CNOT4: variants seen among roughly 807,000 people sequenced by gnomAD.
CNOT4 encodes CCR4-NOT transcription complex subunit 4.
A neutral mutation model predicts 73.8 loss-of-function variants in CNOT4; 8 were observed. The observed-to-expected ratio is 0.11, with a 90% CI of 0.06 to 0.20. The LOEUF is 0.20. CNOT4 is among the 10% of genes least tolerant of loss of function. The probability of loss-of-function intolerance (pLI) is 1.00; values close to 1 mark genes in which losing one functional copy is unlikely to be tolerated. For synonymous variants in CNOT4, 293 were observed against 321.1 expected, an observed-to-expected ratio of 0.91 and a Z score of 0.94; for missense variants, 564 against 883.4, an observed-to-expected ratio of 0.64 and a Z score of 4.58.
rs1426704956 is a variant in CNOT4 at position 135,364,207 on chromosome 7, G to A, written c.1628-141C>T. The stretch of plus-strand genomic sequence containing the variant: ...CATTTAAAATGGGTTGTCCTAGCAA[G>A]ATAAACTTGGTTAGGATTTTGCTCG... On this transcript the variant is annotated intron_variant, in intron 10 of 11. Transcript: ENST00000541284. This position sits in a 1 kb window ranked among gnomAD's most constrained non-coding sequence, Gnocchi z 4.3. 18 of 707,108 alleles carry A rather than the reference G, an allele frequency of 2.5e-5. No individual in the cohort carries two copies. The East Asian group carries it at 3.8e-4, about 15-fold the overall frequency. The allele number at this position is 707,108 out of a possible 1,614,324, so 43.8% of individuals were successfully genotyped here.
At position 135,433,038 on chromosome 7, in the gene CNOT4, T is replaced by C. The variant is rs551608821; in HGVS notation, c.174+5120A>G. Among the ~76,000 whole-genome samples the C allele has an allele frequency of 1.5e-4, 23 of 152,312 alleles. 1 individual carries two copies. The highest frequency in any genetic ancestry group is 3.4e-3 in the Middle Eastern group (1 of 294). ...CCCTTTCAATCTGAAAATGTGTTCTTTGGTTCTGGGAAATATTCTTCGATC... is the reference window on the plus strand; with the variant it reads ...CCCTTTCAATCTGAAAATGTGTTCTCTGGTTCTGGGAAATATTCTTCGATC... On this transcript the variant is annotated intron_variant, in intron 2 of 11. Coordinates refer to ENST00000541284, the MANE Select transcript of CNOT4 (RefSeq NM_001190850.2).
intron 1 of CNOT4, among the ~76,000 whole-genome samples, chr7:135,481,194 A>T (rs977060495): frequency 1.1e-4 from 16 of 152,180 alleles, no homozygotes; most frequent in African/African-American, 3.9e-4. Context: ...TATTAATGTG[A>T]CAAGAGACTA....
chr7:135,467,137 T>C (rs891714173), intron 1 of CNOT4, among the ~76,000 whole-genome samples: 4 of 152,206 alleles, frequency 2.6e-5, no homozygotes, highest in African/African-American at 9.6e-5. Flanking sequence ...ATATACTATG[T>C]ATCAGACATA....
In CNOT4 at chr7:135,364,611, C is replaced by T. The variant is rs150438715; in HGVS notation, c.1628-545G>A. The stretch of plus-strand genomic sequence containing the variant: ...TTCAGAAGAGAAAAGCAGTAATGAA[C>T]AGGCTTTTGAATTTGAAAAGAATGT... On this transcript the variant is annotated intron_variant, in intron 10 of 11. Coordinates refer to ENST00000541284, the MANE Select transcript of CNOT4 (RefSeq NM_001190850.2). The surrounding 1 kb of genome is among the most constrained non-coding windows in gnomAD (Gnocchi z 4.3). 2.5e-4 allele frequency among the ~76,000 whole-genome samples: 38 copies of T among 152,340 alleles called. No homozygotes were observed. The highest frequency in any genetic ancestry group is 7.2e-4 in the African/African-American group (30 of 41,582).
At chr7:135,416,561 A>G (rs1167141538) in intron 3 of CNOT4, among the ~76,000 whole-genome samples, 1 of 152,184 alleles carries the variant, frequency 6.6e-6, no homozygotes, top group Non-Finnish European at 1.5e-5. Context: ...AAGAGAGAAG[A>G]GCAGAGTTTG....
chr7:135,462,026 C>T (rs1800908979), intron 1 of CNOT4, among the ~76,000 whole-genome samples: 1 of 151,024 alleles, frequency 6.6e-6, no homozygotes, highest in East Asian at 1.9e-4. Context: ...GAATATCCGT[C>T]TTAAGAGTAT....
chr7:135,398,776 T>C (rs1233468611), intron 7 of CNOT4, among the ~76,000 whole-genome samples: 2 of 152,106 alleles, frequency 1.3e-5, no homozygotes, highest in Admixed American at 6.5e-5. Context: ...TTTATTTTTG[T>C]GCATGTGATA....
intron 1 of CNOT4, among the ~76,000 whole-genome samples, chr7:135,464,240 T>C (rs899384191): frequency 9.2e-5 from 14 of 152,174 alleles, no homozygotes; most frequent in Non-Finnish European, 2.1e-4. Context: ...TGCACACGAA[T>C]GTTCACTGCA....
intron 1 of CNOT4, among the ~76,000 whole-genome samples, chr7:135,483,610 A>C (rs1802529445): frequency 6.6e-6 from 1 of 152,028 alleles, no homozygotes; most frequent in Admixed American, 6.6e-5. Flanking sequence ...AGATTGCTTC[A>C]GCCGAGAAGT....
chr7:135,452,130 T>A (rs997359025), intron 1 of CNOT4, among the ~76,000 whole-genome samples: 2 of 151,962 alleles, frequency 1.3e-5, no homozygotes, highest in Non-Finnish European at 2.9e-5. Flanking sequence ...TGCCAGCTAC[T>A]GCGGAGGCTG....
intron 1 of CNOT4, among the ~76,000 whole-genome samples, chr7:135,438,662 C>T (rs1799295488): frequency 6.6e-6 from 1 of 152,050 alleles, no homozygotes; most frequent in Non-Finnish European, 1.5e-5. Flanking sequence ...CTCGATAAAA[C>T]ATTTAGTACT....
intron 1 of CNOT4, among the ~76,000 whole-genome samples, chr7:135,441,688 G>A (rs191619983): frequency 2.7e-3 from 411 of 152,254 alleles, no homozygotes; most frequent in Non-Finnish European, 4.4e-3. Context: ...ATGTTGGGAA[G>A]GAAGCAATAC....
At position 135,443,701 on chromosome 7, in the gene CNOT4, C is replaced by T. The variant is rs6978357; in HGVS notation, c.-92-5278G>A. ...AGTAACTGTGACATGTGTAATAATGCTCCTGCATCACCAAAAATCTCACAT... is the reference window on the plus strand; with the variant it reads ...AGTAACTGTGACATGTGTAATAATGTTCCTGCATCACCAAAAATCTCACAT... On this transcript the variant is annotated intron_variant, in intron 1 of 11. Coordinates refer to ENST00000541284, the MANE Select transcript of CNOT4 (RefSeq NM_001190850.2). 3.4e-3 allele frequency among the ~76,000 whole-genome samples: 518 copies of T among 152,292 alleles called. 1 individual carries two copies. The highest frequency in any genetic ancestry group is 0.012 in the African/African-American group (497 of 41,558).
chr7:135,509,784 TGG>T (rs1319190828), intron 1 of CNOT4, 103 bp downstream of exon 1: 1 of 252,956 alleles, frequency 4.0e-6, no homozygotes, highest in Non-Finnish European at 6.5e-6. Flanking sequence ...AGGCGGGGGG[TGG>T]GGAGAAAGGG....
At chr7:135,419,392 C>T (rs1167603427) in intron 3 of CNOT4, among the ~76,000 whole-genome samples, 1 of 152,034 alleles carries the variant, frequency 6.6e-6, no homozygotes, top group Non-Finnish European at 1.5e-5. Flanking sequence ...GTGAAGCCAA[C>T]TTCACTAGAA....
chr7:135,464,738 T>G (rs1032143461), intron 1 of CNOT4, among the ~76,000 whole-genome samples: 5 of 151,942 alleles, frequency 3.3e-5, no homozygotes, highest in Non-Finnish European at 7.4e-5. Context: ...ATAATACTAT[T>G]AAATTTTAAA....
intron 1 of CNOT4, among the ~76,000 whole-genome samples, chr7:135,453,824 T>TTTTA (rs1554438683): frequency 1.0e-3 from 70 of 69,834 alleles, no homozygotes; most frequent in Non-Finnish European, 1.9e-3. Context: ...AATATATATA[T>TTTTA]TTTATATATA....
chr7:135,366,420 G>A (rs780728468), intron 10 of CNOT4, among the ~76,000 whole-genome samples: 5 of 152,062 alleles, frequency 3.3e-5, no homozygotes, highest in Middle Eastern at 3.2e-3. Context: ...AAAAAAGTTT[G>A]TTTTAAGGGA....
In CNOT4 at chr7:135,364,199, C is replaced by A; in HGVS notation, c.1628-133G>T. ...TTATTGAGCATTTAAAATGGGTTGT[C>A]CTAGCAAGATAAACTTGGTTAGGAT... On this transcript the variant is annotated intron_variant, in intron 10 of 11. Coordinates refer to ENST00000541284, the MANE Select transcript of CNOT4 (RefSeq NM_001190850.2). The surrounding 1 kb of genome is among the most constrained non-coding windows in gnomAD (Gnocchi z 4.3). The A allele has an allele frequency of 1.4e-6, 1 of 734,370 alleles. No individual in the cohort carries two copies. The highest frequency in any genetic ancestry group is 2.2e-6 in the Non-Finnish European group (1 of 457,686). The allele number at this position is 734,370 out of a possible 1,614,324, so 45.5% of individuals were successfully genotyped here.
Sources: gnomAD v4.1 joint callset for allele counts (sites outside exome capture counted in the v4.1 genomes callset) on GRCh38, gnomAD v4.1.1 for gene constraint, Gnocchi (gnomAD v3.1) non-coding constraint, MANE v1.5 for transcripts, NCBI Gene and HGNC (gene_info 2026-07-23, HGNC 2026-07-21) for gene names.